The following TNS3 variants were observed in gnomAD, a reference collection of about 807,000 sequenced individuals.
The protein encoded by TNS3 is tensin 3, also known as tensin-3.
In TNS3, 45 loss-of-function variants were observed where a neutral mutation model predicts 140.9. That is an observed-to-expected ratio of 0.32 (90% CI 0.25 to 0.41). The LOEUF (loss-of-function observed/expected upper bound fraction) is 0.41, where lower values mean the gene tolerates loss of function less well. Ranked by LOEUF, TNS3 falls within the 10% of genes least tolerant of loss-of-function variation. The pLI, the probability that TNS3 is intolerant of heterozygous loss-of-function variation, is 1.00. For missense variants in TNS3, 1,716 were observed against 1,906.7 expected, an observed-to-expected ratio of 0.90 and a Z score of 1.86; for synonymous variants, 815 against 788.4, an observed-to-expected ratio of 1.03 and a Z score of -0.56.
chr7:47,446,881 G>A (rs1356501680), intron 4 of TNS3, among the ~76,000 whole-genome samples: 3 of 150,196 alleles, frequency 2.0e-5, no homozygotes, highest in Non-Finnish European at 4.4e-5. Context: ...TTTTTGTAGA[G>A]ATGGGGGTCT....
intron 27 of TNS3, among the ~76,000 whole-genome samples, chr7:47,287,552 G>A (rs1785484045): frequency 6.6e-6 from 1 of 152,204 alleles, no homozygotes; most frequent in Non-Finnish European, 1.5e-5. Context: ...ATCAGAGATT[G>A]CAATAATTCC....
chr7:47,443,235 T>G (rs1795558021), intron 4 of TNS3, among the ~76,000 whole-genome samples: 1 of 152,212 alleles, frequency 6.6e-6, no homozygotes, highest in African/African-American at 2.4e-5. Flanking sequence ...AGGGCCAGTC[T>G]CATGGAGCTG....
At chr7:47,569,346 C>G (rs1039096147) in intron 1 of TNS3, among the ~76,000 whole-genome samples, 1 of 151,762 alleles carries the variant, frequency 6.6e-6, no homozygotes, top group African/African-American at 2.4e-5. Context: ...AGTTCCAGAC[C>G]GGCCTGGCCA....
rs117890097 is a variant in TNS3 at position 47,329,881 on chromosome 7, G to A, written c.2650+14874C>T. Among the ~76,000 whole-genome samples, 88 of 152,286 alleles carry A rather than the reference G, an allele frequency of 5.8e-4. No individual in the cohort carries two copies. The East Asian group carries it at 0.015, about 26-fold the overall frequency. Reference sequence around the variant, plus strand: ...CGGAGCAAACCCACAGGGATGGGCAGCAGGGAGGAGGAGGCAGGGCATGCT... The same window carrying A: ...CGGAGCAAACCCACAGGGATGGGCAACAGGGAGGAGGAGGCAGGGCATGCT... On this transcript the variant is annotated intron_variant, in intron 20 of 30. Transcript: ENST00000311160.
intron 1 of TNS3, among the ~76,000 whole-genome samples, chr7:47,561,150 C>T (rs1474237805): frequency 6.6e-6 from 1 of 152,230 alleles, no homozygotes; most frequent in African/African-American, 2.4e-5. Flanking sequence ...TGTAGTCCCA[C>T]ACACCTAGGT....
rs1262681735 is a variant in TNS3, at chr7:47,277,900, A to G, written c.*176T>C. 3 of 773,796 alleles carry G rather than the reference A, an allele frequency of 3.9e-6. No individual in the cohort carries two copies. The highest frequency in any genetic ancestry group is 1.7e-5 in the African/African-American group (1 of 58,346). 47.9% of individuals were successfully genotyped at this position (773,796 alleles called of 1,614,324 possible). On this transcript the variant is annotated 3_prime_UTR_variant, in exon 31 of 31. Transcript: ENST00000311160. ...GATAAGTCACTTTCAGGAAAGGCCAATTCACGGTGATGTTGTTTGTTCTTG... is the reference window on the plus strand; with the variant it reads ...GATAAGTCACTTTCAGGAAAGGCCAGTTCACGGTGATGTTGTTTGTTCTTG...
chr7:47,438,136 T>C (rs1263695879), intron 6 of TNS3, among the ~76,000 whole-genome samples: 1 of 152,006 alleles, frequency 6.6e-6, no homozygotes, highest in Non-Finnish European at 1.5e-5. Context: ...GTCAGAGATG[T>C]GAGGAAAGTG....
intron 17 of TNS3, among the ~76,000 whole-genome samples, chr7:47,353,259 AG>A (rs1789791410): frequency 6.6e-6 from 1 of 152,200 alleles, no homozygotes; most frequent in Non-Finnish European, 1.5e-5. Flanking sequence ...CTGCGGGTTC[AG>A]TACTTCTTTG....
chr7:47,477,036 T>G (rs745774066), intron 4 of TNS3, among the ~76,000 whole-genome samples: 1 of 152,158 alleles, frequency 6.6e-6, no homozygotes, highest in Non-Finnish European at 1.5e-5. Flanking sequence ...CCTTCTCCAT[T>G]GTGTCTTAAA....
At chr7:47,420,270 G>C (rs1289355455) in intron 10 of TNS3, among the ~76,000 whole-genome samples, 1 of 152,170 alleles carries the variant, frequency 6.6e-6, no homozygotes. Context: ...CACGCACTAG[G>C]AGAATGTGGG....
chr7:47,350,962 A>C (rs1013585939), intron 17 of TNS3, among the ~76,000 whole-genome samples: 4 of 152,200 alleles, frequency 2.6e-5, no homozygotes, highest in African/African-American at 4.8e-5. Flanking sequence ...AAACTAAGAA[A>C]ATGTCCTAAA....
intron 3 of TNS3, among the ~76,000 whole-genome samples, chr7:47,502,519 C>T (rs1386211215): frequency 1.3e-5 from 2 of 152,200 alleles, no homozygotes; most frequent in Admixed American, 6.5e-5. Context: ...CTGCATCAGC[C>T]GCAGCCAGGA....
chr7:47,500,660 G>A (rs918715518), intron 3 of TNS3, among the ~76,000 whole-genome samples: 1 of 152,230 alleles, frequency 6.6e-6, no homozygotes, highest in African/African-American at 2.4e-5. Context: ...GCTGAGTTCA[G>A]AGGGAGTAAC....
At chr7:47,417,770 A>G (rs74692511) in intron 10 of TNS3, among the ~76,000 whole-genome samples, 2 of 151,716 alleles carry the variant, frequency 1.3e-5, no homozygotes, top group East Asian at 3.9e-4. Flanking sequence ...ACAAAAAAAA[A>G]CCAACATATT....
At chr7:47,561,782 A>G (rs961321802) in intron 1 of TNS3, among the ~76,000 whole-genome samples, 2 of 152,198 alleles carry the variant, frequency 1.3e-5, no homozygotes, top group African/African-American at 4.8e-5. Flanking sequence ...TGCTTTGGCC[A>G]ATGGAATAGA....
chr7:47,382,726 C>T (rs1026003369), intron 16 of TNS3, among the ~76,000 whole-genome samples: 6 of 151,206 alleles, frequency 4.0e-5, no homozygotes, highest in East Asian at 1.9e-4. Context: ...ATCCTGCAGT[C>T]GACCTCGAGG....
intron 17 of TNS3, among the ~76,000 whole-genome samples, chr7:47,356,065 G>A (rs953259115): frequency 8.5e-5 from 13 of 152,244 alleles, no homozygotes; most frequent in East Asian, 1.9e-4. Context: ...TAACCAATAC[G>A]TGACTGTTGG....
chr7:47,472,516 A>C (rs10248243), intron 4 of TNS3, among the ~76,000 whole-genome samples: 1,807 of 152,280 alleles, frequency 0.012, 41 homozygotes, highest in African/African-American at 0.041. Flanking sequence ...AGAAACTTTC[A>C]AAGGGGTGAA....
At chr7:47,351,138 T>C (rs1257308531) in intron 17 of TNS3, among the ~76,000 whole-genome samples, 1 of 152,212 alleles carries the variant, frequency 6.6e-6, no homozygotes, top group Admixed American at 6.5e-5. Flanking sequence ...TTCTTTTATT[T>C]TGTAGTACTC....
Sources: gnomAD v4.1 joint callset for allele counts (sites outside exome capture counted in the v4.1 genomes callset) on GRCh38, gnomAD v4.1.1 for gene constraint, MANE v1.5 for transcripts, NCBI Gene and HGNC (gene_info 2026-07-23, HGNC 2026-07-21) for gene names.